VIRMA: variants seen among roughly 807,000 people sequenced by gnomAD.
VIRMA encodes vir like m6A methyltransferase associated.
In VIRMA, 65 loss-of-function variants were observed where a neutral mutation model predicts 182.4. The ratio of observed to expected loss-of-function variants is 0.36; its 90% CI spans 0.29 to 0.44. The LOEUF (loss-of-function observed/expected upper bound fraction) is 0.44, where lower values mean the gene tolerates loss of function less well. VIRMA is among the 20% of genes least tolerant of loss of function. The pLI is 1.00. For missense variants in VIRMA, 1,752 were observed against 2,158.1 expected, an observed-to-expected ratio of 0.81 and a Z score of 3.73; for synonymous variants, 709 against 743.1, an observed-to-expected ratio of 0.95 and a Z score of 0.75.
intron 1 of VIRMA, 36 bp from the exon 2 acceptor site, chr8:94,543,978 G>T: frequency 9.7e-7 from 1 of 1,031,726 alleles, no homozygotes; most frequent in Non-Finnish European, 1.5e-6. Flanking sequence ...GGAGGGGTTC[G>T]GAACATTATG....
At chr8:94,539,422 G>A (rs1815463106) in intron 2 of VIRMA, among the ~76,000 whole-genome samples, 1 of 152,094 alleles carries the variant, frequency 6.6e-6, no homozygotes, top group African/African-American at 2.4e-5. Flanking sequence ...ATTTGCATTA[G>A]ACTAAAATCT....
At chr8:94,546,789 C>T (rs986539303) in intron 1 of VIRMA, 8 of 376,744 alleles carry the variant, frequency 2.1e-5, no homozygotes, top group Non-Finnish European at 3.7e-5. Context: ...TTCTTTCTTG[C>T]CTCCCATCAA....
chr8:94,546,539 T>G (rs769889691), intron 1 of VIRMA, among the ~76,000 whole-genome samples: 1 of 151,164 alleles, frequency 6.6e-6, no homozygotes, highest in African/African-American at 2.5e-5. Flanking sequence ...CTAATTGATT[T>G]TGTGCTTCTT....
At chr8:94,537,079 C>G (rs1307340840) in intron 4 of VIRMA, 24 bp downstream of exon 4, 1 of 1,525,452 alleles carries the variant, frequency 6.6e-7, no homozygotes, top group Non-Finnish European at 9.1e-7. Flanking sequence ...TAATGACAAG[C>G]TGAAAACTGA....
intron 16 of VIRMA, among the ~76,000 whole-genome samples, chr8:94,500,999 A>G (rs1813955983): frequency 6.6e-6 from 1 of 152,042 alleles, no homozygotes; most frequent in South Asian, 2.1e-4. Flanking sequence ...TAATCCCAGC[A>G]CTTTGGGAGG....
chr8:94,527,306 C>T lies in VIRMA; in HGVS notation c.938G>A (p.Arg313His), dbSNP rs369261585. 1.5e-5 allele frequency: 24 copies of T among 1,597,276 alleles called. No homozygotes were observed. Among genetic ancestry groups the T allele is most frequent in the Non-Finnish European group, 1.7e-5 (20 of 1,170,148 alleles). Residue 313 changes from arginine (R) to histidine (H), a missense_variant, in exon 8 of 24, where the codon CGT (arginine) becomes CAT (histidine). Arg to His is a conservative substitution (Grantham distance 29, BLOSUM62 0). Around this residue, in one of 11 missense-constraint regions of VIRMA, gnomAD observed 31 missense variants for 68.4 expected, o/e 0.45. Transcript: ENST00000297591. ...SDEDGIADLE[R>H]ETFKYPNFDV... The stretch of plus-strand genomic sequence containing the variant: ...AAAGTTTGGATACTTAAATGTTTCA[C>T]GTTCCAAGTCAGCAATTCCATCTTC...
chr8:94,510,810 A>G (rs1055800), intron 13 of VIRMA, 158 bp from the exon 14 acceptor site: 196,377 of 758,308 alleles, frequency 0.26, 28,853 homozygotes, highest in East Asian at 0.49. Flanking sequence ...CTTGAATTCA[A>G]TGAGTCTAAA....
chr8:94,501,960 T>C (rs1303858248), intron 16 of VIRMA, among the ~76,000 whole-genome samples: 2 of 152,222 alleles, frequency 1.3e-5, no homozygotes, highest in East Asian at 1.9e-4. Flanking sequence ...TTCCAAGGTA[T>C]AGTTCAAATC....
chr8:94,547,417 T>A (rs1387104284), intron 1 of VIRMA, among the ~76,000 whole-genome samples: 1 of 151,090 alleles, frequency 6.6e-6, no homozygotes, highest in East Asian at 1.9e-4. Context: ...TACCTGCATG[T>A]TTAAAGGTCA....
At position 94,507,913 on chromosome 8, in the gene VIRMA, ATGTG is replaced by A. The variant is rs373003454; in HGVS notation, c.3880-1200_3880-1197del. ...TATATGTATATATATGTATATATGTATGTGTATATATGTATGTACATATGTGTAT... is the reference window on the plus strand; with the variant it reads ...TATATGTATATATATGTATATATGTATATATATGTATGTACATATGTGTAT... On this transcript the variant is annotated intron_variant, in intron 15 of 23. Transcript: ENST00000297591. Among the ~76,000 whole-genome samples the A allele has an allele frequency of 5.6e-4, 57 of 100,958 alleles. 1 individual carries two copies. The highest frequency in any genetic ancestry group is 8.6e-4 in the South Asian group (2 of 2,320). The allele number at this position is 100,958 out of a possible 152,430, so 66.2% of individuals were successfully genotyped here. A position where few individuals can be genotyped will look rare whatever the true frequency, so the allele number is the denominator to read the frequency against.
chr8:94,489,909 T>C (rs202136796), intron 23 of VIRMA, 30 bp downstream of exon 23: 21 of 1,604,768 alleles, frequency 1.3e-5, no homozygotes, highest in Non-Finnish European at 1.8e-5. Context: ...TTCCCTTCTC[T>C]CAGCAATATC....
intron 15 of VIRMA, among the ~76,000 whole-genome samples, chr8:94,507,999 G>A (rs1563461682): frequency 1.3e-5 from 2 of 149,270 alleles, no homozygotes; most frequent in Non-Finnish European, 3.0e-5. Flanking sequence ...ATATATATAA[G>A]TATATATATA....
intron 10 of VIRMA, among the ~76,000 whole-genome samples, chr8:94,515,160 A>G (rs1814518502): frequency 6.6e-6 from 1 of 150,754 alleles, no homozygotes; most frequent in Admixed American, 6.6e-5. Context: ...CAAAGGGCGT[A>G]ATCTCGGCTC....
rs199860687 is a variant in VIRMA, at chr8:94,519,084, T to C, written c.2414A>G (p.Asn805Ser). ...GCCAACAGCTGATCTTCCCACAGGA[T>C]TAAAAGTAATCAAATAAAGATTGTG... Reference protein sequence around the residue: ...TLHNLYLITFNPVGRSAVGHV... With the variant: ...TLHNLYLITFSPVGRSAVGHV... Residue 805 changes from asparagine (N) to serine (S), a missense_variant, in exon 9 of 24, where the codon AAT (asparagine) becomes AGT (serine). This residue lies in a region of VIRMA where 777 missense variants were observed against 920.6 expected (regional missense o/e 0.84). Transcript: ENST00000297591. 2.5e-6 allele frequency: 4 copies of C among 1,613,890 alleles called. No homozygotes were observed. The highest frequency in any genetic ancestry group is 3.4e-6 in the Non-Finnish European group (4 of 1,179,952).
Position 94,536,623 on chromosome 8 carries a change from G to A in VIRMA, c.315+480C>T, listed in dbSNP as rs555102241. 1.7e-3 allele frequency among the ~76,000 whole-genome samples: 258 copies of A among 152,264 alleles called. 1 individual carries two copies. The highest frequency in any genetic ancestry group is 5.3e-3 in the African/African-American group (222 of 41,540). ...AGAAAGAGCTTTATAGGTAGAGAACGGCATTACAATGTCTTTACTGCATTA... is the reference window on the plus strand; with the variant it reads ...AGAAAGAGCTTTATAGGTAGAGAACAGCATTACAATGTCTTTACTGCATTA... On this transcript the variant is annotated intron_variant, in intron 4 of 23. Coordinates refer to ENST00000297591, the MANE Select transcript of VIRMA (RefSeq NM_015496.5).
chr8:94,544,557 A>C (rs1364503515), intron 1 of VIRMA, among the ~76,000 whole-genome samples: 1 of 142,244 alleles, frequency 7.0e-6, no homozygotes, highest in Non-Finnish European at 1.5e-5. Flanking sequence ...GCTACTTGGG[A>C]GGTTGAGGCA....
At chr8:94,536,992 A>G (rs1310527354) in intron 4 of VIRMA, 111 bp downstream of exon 4, 1 of 494,990 alleles carries the variant, frequency 2.0e-6, no homozygotes, top group Non-Finnish European at 3.6e-6. Flanking sequence ...AAACACAAAG[A>G]AAAAAAAAAA....
chr8:94,506,275 A>G (rs1448684531), intron 16 of VIRMA, among the ~76,000 whole-genome samples: 1 of 152,218 alleles, frequency 6.6e-6, no homozygotes. Context: ...CCATGCCCAC[A>G]GTAATTTGTG....
intron 22 of VIRMA, 113 bp downstream of exon 22, chr8:94,491,465 C>G: frequency 9.8e-7 from 1 of 1,021,394 alleles, no homozygotes; most frequent in Non-Finnish European, 1.4e-6. Flanking sequence ...GGTGGCTCAA[C>G]TGCAGCAACA....
Sources: gnomAD v4.1 joint callset for allele counts (sites outside exome capture counted in the v4.1 genomes callset) on GRCh38, gnomAD v4.1.1 for gene constraint, gnomAD v4.1.1 regional missense constraint, MANE v1.5 for transcripts, NCBI Gene and HGNC (gene_info 2026-07-23, HGNC 2026-07-21) for gene names.